The following PLPP1 variants were observed in gnomAD, a reference collection of about 807,000 sequenced individuals.
The protein encoded by PLPP1 is lipid phosphate phosphohydrolase 1a.
A neutral mutation model predicts 31.2 loss-of-function variants in PLPP1; 24 were observed. That is an observed-to-expected ratio of 0.77 (90% confidence interval 0.56 to 1.08). PLPP1 has a LOEUF of 1.08. Among genes scored for constraint, PLPP1 ranks in the 50% least tolerant of loss-of-function variants. The probability of loss-of-function intolerance (pLI) is 0.00; values close to 1 mark genes in which losing one functional copy is unlikely to be tolerated. For synonymous variants in PLPP1, 146 were observed against 126.3 expected (o/e 1.16, Z -1.05); for missense variants, 319 against 342.7 (o/e 0.93, Z 0.55).
At chr5:55,532,073 C>T (rs1472692391) in intron 1 of PLPP1, among the ~76,000 whole-genome samples, 1 of 152,154 alleles carries the variant, frequency 6.6e-6, no homozygotes, top group African/African-American at 2.4e-5. Flanking sequence ...TTATTGACAG[C>T]TATTGTACTC....
At chr5:55,491,644 C>T (rs1752889291) in intron 1 of PLPP1, among the ~76,000 whole-genome samples, 3 of 151,918 alleles carry the variant, frequency 2.0e-5, no homozygotes, top group Admixed American at 1.3e-4. Context: ...GATCACTTGA[C>T]ATGAAGAGTT....
At chr5:55,448,207 C>T (rs1027611931) in intron 3 of PLPP1, among the ~76,000 whole-genome samples, 7 of 152,082 alleles carry the variant, frequency 4.6e-5, no homozygotes, top group Non-Finnish European at 8.8e-5. Context: ...AATGAGATAT[C>T]AGATTATTAT....
intron 3 of PLPP1, among the ~76,000 whole-genome samples, chr5:55,446,642 T>C (rs1751771776): frequency 6.6e-6 from 1 of 152,140 alleles, no homozygotes. Flanking sequence ...TTAAGGAGAG[T>C]TCCTCCAGAG....
In PLPP1 at chr5:55,479,681, G is replaced by A. The variant is rs1358020404; in HGVS notation, c.59-4231C>T. Among the ~76,000 whole-genome samples, 6 of 152,228 alleles carry A rather than the reference G, an allele frequency of 3.9e-5. No homozygotes were observed. In the East Asian group the frequency reaches 1.2e-3, roughly 29 times the overall value. On this transcript the variant is annotated intron_variant, in intron 1 of 5. Transcript: ENST00000307259. Reference sequence around the variant, plus strand: ...AGCTCTGGCTCCCCACTGCCAAAAGGCCTCAGTGATCTTGCTGTTTGGGGT... The same window carrying A: ...AGCTCTGGCTCCCCACTGCCAAAAGACCTCAGTGATCTTGCTGTTTGGGGT...
At chr5:55,479,278 T>C (rs10940466) in intron 1 of PLPP1, among the ~76,000 whole-genome samples, 130,182 of 152,184 alleles carry the variant, frequency 0.86, 56,165 homozygotes, top group South Asian at 0.92. Flanking sequence ...CCACCTGCCT[T>C]AGTCTCCCAA....
intron 1 of PLPP1, among the ~76,000 whole-genome samples, chr5:55,502,810 G>A (rs1309199419): frequency 6.6e-6 from 1 of 152,050 alleles, no homozygotes; most frequent in Non-Finnish European, 1.5e-5. Flanking sequence ...AGGTTTTATT[G>A]TGAGCCAGTG....
intron 3 of PLPP1, among the ~76,000 whole-genome samples, chr5:55,453,541 G>C (rs1751938380): frequency 1.3e-5 from 2 of 152,178 alleles, no homozygotes; most frequent in Admixed American, 6.5e-5. Context: ...TGTGCAAAAT[G>C]CCTCAAATTT....
At chr5:55,455,692 AC>A (rs1287549611) in intron 3 of PLPP1, among the ~76,000 whole-genome samples, 1 of 152,144 alleles carries the variant, frequency 6.6e-6, no homozygotes, top group Non-Finnish European at 1.5e-5. Context: ...GTAAATATAA[AC>A]CCTTGTATCC....
At chr5:55,454,447 C>G (rs930309008) in intron 3 of PLPP1, among the ~76,000 whole-genome samples, 3 of 152,184 alleles carry the variant, frequency 2.0e-5, no homozygotes, top group African/African-American at 7.2e-5. Context: ...AAGATCCAGA[C>G]AGGTCAATAG....
At chr5:55,456,367 T>G (rs1752010650) in intron 3 of PLPP1, among the ~76,000 whole-genome samples, 1 of 152,132 alleles carries the variant, frequency 6.6e-6, no homozygotes, top group South Asian at 2.1e-4. Flanking sequence ...ACCAAAATTG[T>G]AGGAGGATAT....
rs749767466 is a variant in PLPP1, at chr5:55,426,380, C to G, written c.550-341G>C. On this transcript the variant is annotated intron_variant, in intron 4 of 5. Coordinates refer to ENST00000307259, the MANE Select transcript of PLPP1 (RefSeq NM_003711.4). ...TGGGTTATAATTCTCATAGTCAAGACCAGTGCTGCCATTGGTTTTTTTATT... is the reference window on the plus strand; with the variant it reads ...TGGGTTATAATTCTCATAGTCAAGAGCAGTGCTGCCATTGGTTTTTTTATT... Among the ~76,000 whole-genome samples, 26 of 152,202 alleles carry G rather than the reference C, an allele frequency of 1.7e-4. 2 individuals are homozygous for G. The Middle Eastern group carries it at 0.017, about 100-fold the overall frequency.
chr5:55,521,360 A>ACAAAAAACAAAAAAC (rs1561256352), intron 1 of PLPP1, among the ~76,000 whole-genome samples: 10 of 151,550 alleles, frequency 6.6e-5, no homozygotes, highest in African/African-American at 2.4e-4. Context: ...TCAAAAAAAA[A>ACAAAAAACAAAAAAC]AAAAAAATTG....
intron 1 of PLPP1, among the ~76,000 whole-genome samples, chr5:55,495,244 TAGG>T (rs1277604584): frequency 1.3e-5 from 2 of 151,622 alleles, no homozygotes; most frequent in Non-Finnish European, 2.9e-5. Context: ...CAACTTAAGC[TAGG>T]AGAATAAAAC....
At chr5:55,443,192 A>AAAAAAAAAAAAAAAAAAAAATAT in intron 3 of PLPP1, among the ~76,000 whole-genome samples, 1 of 25,442 alleles carries the variant, frequency 3.9e-5, no homozygotes. Context: ...AAAAAAAAAA[A>AAAAAAAAAAAAAAAAAAAAATAT]ATATATATAT....
intron 1 of PLPP1, among the ~76,000 whole-genome samples, chr5:55,491,302 C>T (rs1752883063): frequency 6.6e-6 from 1 of 152,106 alleles, no homozygotes; most frequent in Non-Finnish European, 1.5e-5. Flanking sequence ...ATCAGCCCCA[C>T]CTTTTTCCAA....
At chr5:55,428,854 T>C (rs1561219022) in intron 4 of PLPP1, among the ~76,000 whole-genome samples, 2 of 152,212 alleles carry the variant, frequency 1.3e-5, no homozygotes, top group Non-Finnish European at 2.9e-5. Context: ...TACTTCTCTT[T>C]TAAGAGTAGG....
intron 2 of PLPP1, among the ~76,000 whole-genome samples, chr5:55,473,698 C>G (rs1340704398): frequency 1.3e-5 from 2 of 151,974 alleles, no homozygotes; most frequent in Non-Finnish European, 2.9e-5. Context: ...CACTCTGTTG[C>G]CCAAGCTGGA....
At chr5:55,444,811 CGT>C (rs1561226017) in intron 3 of PLPP1, among the ~76,000 whole-genome samples, 1 of 146,992 alleles carries the variant, frequency 6.8e-6, no homozygotes, top group Non-Finnish European at 1.5e-5. Flanking sequence ...AGTGCAGTGG[CGT>C]GATTTGGCTC....
chr5:55,530,948 G>GCCGAGGTGA (rs1239419566), intron 1 of PLPP1, among the ~76,000 whole-genome samples: 1 of 152,188 alleles, frequency 6.6e-6, no homozygotes, highest in Admixed American at 6.5e-5. Context: ...AGCGGCAGCG[G>GCCGAGGTGA]CCGAGGTGAC....
Sources: gnomAD v4.1 joint callset for allele counts (sites outside exome capture counted in the v4.1 genomes callset) on GRCh38, gnomAD v4.1.1 for gene constraint, MANE v1.5 for transcripts, NCBI Gene and HGNC (gene_info 2026-07-23, HGNC 2026-07-21) for gene names.